Variants in SHANK2 observed in about 807,000 individuals in gnomAD.
The protein encoded by SHANK2 is SH3 and multiple ankyrin repeat domains 2, also known as SH3 and multiple ankyrin repeat domains protein 2.
A neutral mutation model predicts 133.7 loss-of-function variants in SHANK2; 43 were observed. The observed-to-expected ratio is 0.32, with a 90% CI of 0.25 to 0.41. The LOEUF (loss-of-function observed/expected upper bound fraction) is 0.41, where lower values mean the gene tolerates loss of function less well. SHANK2 is among the 10% of genes least tolerant of loss of function. The pLI, the probability that SHANK2 is intolerant of heterozygous loss-of-function variation, is 1.00. For synonymous variants in SHANK2, 1,017 were observed against 952.8 expected (o/e 1.07, Z -1.24); for missense variants, 1,994 against 2,235.8 (o/e 0.89, Z 2.18).
At chr11:70,587,458 G>A (rs1032135378) in intron 17 of SHANK2, among the ~76,000 whole-genome samples, 4 of 152,146 alleles carry the variant, frequency 2.6e-5, no homozygotes, top group East Asian at 3.9e-4. Context: ...GGCATTCTAC[G>A]CAGCCATCAA....
chr11:70,951,551 C>A (rs898601130), intron 10 of SHANK2, among the ~76,000 whole-genome samples: 5 of 150,980 alleles, frequency 3.3e-5, no homozygotes, highest in Non-Finnish European at 5.9e-5. Context: ...CCCCTGGCTG[C>A]TGCGTGGTGA....
chr11:70,519,507 C>T (rs1329188898), intron 17 of SHANK2, among the ~76,000 whole-genome samples: 7 of 152,160 alleles, frequency 4.6e-5, no homozygotes, highest in South Asian at 4.2e-4. Context: ...ATTAGCTCGA[C>T]GTGGTAGTGC....
At chr11:70,521,342 G>A (rs2059327929) in intron 17 of SHANK2, among the ~76,000 whole-genome samples, 1 of 152,140 alleles carries the variant, frequency 6.6e-6, no homozygotes, top group Non-Finnish European at 1.5e-5. Context: ...TTTCTTTCCA[G>A]TTTGCAATGA....
intron 17 of SHANK2, among the ~76,000 whole-genome samples, chr11:70,618,859 G>T (rs1014798921): frequency 6.6e-6 from 1 of 152,214 alleles, no homozygotes; most frequent in Admixed American, 6.5e-5. Context: ...GGGCCTTTGT[G>T]TTAAAATGGA....
chr11:71,061,971 CTTTTTTTTTT>C (rs1216736346), intron 9 of SHANK2, among the ~76,000 whole-genome samples: 4 of 109,572 alleles, frequency 3.7e-5, no homozygotes, highest in East Asian at 2.7e-4. Context: ...GTCTTTCTTT[CTTTTTTTTTT>C]TTTTTTTTTT....
chr11:70,710,717 T>C lies in SHANK2; in HGVS notation c.1778-11954A>G, dbSNP rs978528836. On this transcript the variant is annotated intron_variant, in intron 14 of 25. Coordinates refer to ENST00000601538, the MANE Select transcript of SHANK2 (RefSeq NM_012309.5). ...AGCCAAATCCTGCCCACAACCTGAA[T>C]GTGACCAGAGGCAGACTCCTCCCCG... is the stretch of plus-strand genomic sequence containing the variant. 2.0e-5 allele frequency among the ~76,000 whole-genome samples: 3 copies of C among 152,244 alleles called. No homozygotes were observed. The East Asian group carries it at 5.8e-4, about 29-fold the overall frequency.
At chr11:71,215,938 C>A (rs78519521) in intron 2 of SHANK2, among the ~76,000 whole-genome samples, 1 of 152,148 alleles carries the variant, frequency 6.6e-6, no homozygotes, top group African/African-American at 2.4e-5. Flanking sequence ...CTCCCCCACC[C>A]TCCAGGATGA....
At chr11:71,205,231 G>A (rs1383240868) in intron 2 of SHANK2, among the ~76,000 whole-genome samples, 1 of 152,192 alleles carries the variant, frequency 6.6e-6, no homozygotes, top group Non-Finnish European at 1.5e-5. Context: ...CATCCTGTGG[G>A]GTAGCCCCTT....
intron 15 of SHANK2, among the ~76,000 whole-genome samples, chr11:70,696,586 C>T (rs1170816004): frequency 1.3e-5 from 2 of 152,208 alleles, no homozygotes; most frequent in African/African-American, 4.8e-5. Flanking sequence ...CGTTTGTGGC[C>T]AGGCCATGGA....
intron 17 of SHANK2, among the ~76,000 whole-genome samples, chr11:70,658,023 A>G (rs1174703262): frequency 2.0e-5 from 3 of 152,146 alleles, no homozygotes; most frequent in Non-Finnish European, 4.4e-5. Flanking sequence ...TTATCCAGGA[A>G]ACAGTCCAAT....
At chr11:70,742,309 C>G (rs1946545177) in intron 14 of SHANK2, among the ~76,000 whole-genome samples, 1 of 152,192 alleles carries the variant, frequency 6.6e-6, no homozygotes, top group South Asian at 2.1e-4. Context: ...GAAGTCACAG[C>G]TCTCCAGACC....
intron 14 of SHANK2, among the ~76,000 whole-genome samples, chr11:70,718,267 G>A (rs895205): frequency 3.9e-5 from 6 of 152,180 alleles, no homozygotes; most frequent in South Asian, 4.1e-4. Flanking sequence ...GTGTTTCCTC[G>A]GTCTTGGCCG....
chr11:71,179,511 A>G (rs1440881308), intron 2 of SHANK2, among the ~76,000 whole-genome samples: 3 of 152,226 alleles, frequency 2.0e-5, no homozygotes, highest in Non-Finnish European at 2.9e-5. Flanking sequence ...CCGTATTTAC[A>G]TGGGAAGACT....
At chr11:70,809,382 A>G (rs573598470) in intron 12 of SHANK2, among the ~76,000 whole-genome samples, 1 of 152,296 alleles carries the variant, frequency 6.6e-6, no homozygotes, top group South Asian at 2.1e-4. Context: ...GCTTGCAGGG[A>G]AAGTTCTAGA....
intron 12 of SHANK2, among the ~76,000 whole-genome samples, chr11:70,818,025 G>A (rs537081667): frequency 9.9e-5 from 15 of 152,282 alleles, no homozygotes; most frequent in East Asian, 3.9e-4. Flanking sequence ...GTGAGCTACC[G>A]CACCTGGTCC....
chr11:70,851,528 G>A (rs1450060147), intron 11 of SHANK2, among the ~76,000 whole-genome samples: 2 of 152,194 alleles, frequency 1.3e-5, no homozygotes, highest in East Asian at 3.9e-4. Flanking sequence ...GTAATGGGTG[G>A]AGGTGAGGCA....
intron 2 of SHANK2, among the ~76,000 whole-genome samples, chr11:71,193,669 G>A (rs1331528465): frequency 6.6e-6 from 1 of 152,196 alleles, no homozygotes; most frequent in Non-Finnish European, 1.5e-5. Flanking sequence ...ACCTGCACGA[G>A]TTGGCCAGGG....
rs563355950 is a variant in SHANK2 at position 71,140,721 on chromosome 11, G to A, written c.207+6399C>T. On this transcript the variant is annotated intron_variant, in intron 3 of 25. Transcript: ENST00000601538. ...CACTTCACAAGTGGTGTTTGTTCCC[G>A]ACAGGTGGAACCCCGAGGCTCAGAT... Among the ~76,000 whole-genome samples the A allele has an allele frequency of 2.6e-5, 4 of 152,328 alleles. No homozygotes were observed. In the South Asian group the frequency reaches 6.2e-4, roughly 24 times the overall value.
chr11:71,059,103 G>A (rs971564929), intron 9 of SHANK2, among the ~76,000 whole-genome samples: 3 of 152,212 alleles, frequency 2.0e-5, no homozygotes, highest in Non-Finnish European at 4.4e-5. Context: ...TGTAATCCCA[G>A]CTACTCGGGA....
Sources: gnomAD v4.1 joint callset for allele counts (sites outside exome capture counted in the v4.1 genomes callset) on GRCh38, gnomAD v4.1.1 for gene constraint, MANE v1.5 for transcripts, NCBI Gene and HGNC (gene_info 2026-07-23, HGNC 2026-07-21) for gene names.